ACTR2: variants seen among roughly 807,000 people sequenced by gnomAD.
The protein encoded by ACTR2 is actin-related protein 2.
Under a neutral mutation model 50.2 loss-of-function variants are expected in ACTR2, and 5 were observed. That is an observed-to-expected ratio of 0.10 (90% CI 0.05 to 0.21). The LOEUF (loss-of-function observed/expected upper bound fraction) is 0.21, where lower values mean the gene tolerates loss of function less well. Among genes scored for constraint, ACTR2 ranks in the 10% least tolerant of loss-of-function variants. The pLI, the probability that ACTR2 is intolerant of heterozygous loss-of-function variation, is 1.00. For synonymous variants in ACTR2, 140 were observed against 162.9 expected (o/e 0.86, Z 1.07); for missense variants, 180 against 480.6 (o/e 0.37, Z 5.85).
At chr2:65,235,495 G>A (rs144150060) in intron 1 of ACTR2, among the ~76,000 whole-genome samples, 2,313 of 152,274 alleles carry the variant, frequency 0.015, 19 homozygotes, top group Admixed American at 0.024. Context: ...CGTGGCTCAC[G>A]CCTGTAATCC....
rs565665632 is a variant in ACTR2 at position 65,263,923 on chromosome 2, C to A, written c.882-1120C>A. Among the ~76,000 whole-genome samples the A allele has an allele frequency of 6.4e-4, 98 of 152,156 alleles. 1 individual carries two copies. Among genetic ancestry groups the A allele is most frequent in the Non-Finnish European group, 1.2e-3 (82 of 68,004 alleles). Reference sequence around the variant, plus strand: ...ACAAAAAATTAGCTGGGTGTGGTGACGGGTGCCTGTAATCCCAGCTACTCG... The same window carrying A: ...ACAAAAAATTAGCTGGGTGTGGTGAAGGGTGCCTGTAATCCCAGCTACTCG... On this transcript the variant is annotated intron_variant, in intron 7 of 8. Coordinates refer to ENST00000260641, the MANE Select transcript of ACTR2 (RefSeq NM_005722.4).
chr2:65,232,071 T>C (rs1423814646), intron 1 of ACTR2, among the ~76,000 whole-genome samples: 1 of 152,224 alleles, frequency 6.6e-6, no homozygotes, highest in East Asian at 1.9e-4. Flanking sequence ...TTTGATCCAA[T>C]AATTTATGTG....
intron 8 of ACTR2, among the ~76,000 whole-genome samples, chr2:65,267,360 G>T (rs931698400): frequency 1.3e-5 from 2 of 152,148 alleles, no homozygotes; most frequent in East Asian, 3.8e-4. Flanking sequence ...GTAAGAGCAA[G>T]AAAGTAAAAG....
intron 3 of ACTR2, among the ~76,000 whole-genome samples, chr2:65,249,680 G>T: frequency 6.6e-6 from 1 of 152,084 alleles, no homozygotes; most frequent in South Asian, 2.1e-4. Flanking sequence ...CCAGTCAAGG[G>T]GTGCTCAGTC....
At chr2:65,232,106 C>T (rs1041778278) in intron 1 of ACTR2, among the ~76,000 whole-genome samples, 1 of 152,224 alleles carries the variant, frequency 6.6e-6, no homozygotes, top group Non-Finnish European at 1.5e-5. Context: ...AAACCTCCTT[C>T]TGAAATCAAG....
chr2:65,248,753 A>G (rs914756446), intron 3 of ACTR2, among the ~76,000 whole-genome samples: 14 of 152,082 alleles, frequency 9.2e-5, no homozygotes, highest in Non-Finnish European at 1.9e-4. Flanking sequence ...AGGCCGGGCT[A>G]GGTGGCTCCC....
At chr2:65,239,993 C>A in intron 2 of ACTR2, 31 bp downstream of exon 2, 2 of 1,388,490 alleles carry the variant, frequency 1.4e-6, no homozygotes, top group African/African-American at 1.4e-5. Context: ...AAATGATAAT[C>A]AAGACATGTG....
intron 1 of ACTR2, among the ~76,000 whole-genome samples, chr2:65,236,539 T>C (rs1671744727): frequency 6.6e-6 from 1 of 152,060 alleles, no homozygotes; most frequent in African/African-American, 2.4e-5. Flanking sequence ...AGATAGTAGC[T>C]TTCTTTTGTT....
intron 3 of ACTR2, 37 bp downstream of exon 3, chr2:65,246,776 T>C (rs768010383): frequency 7.3e-7 from 1 of 1,371,192 alleles, no homozygotes; most frequent in East Asian, 2.4e-5. Flanking sequence ...TGTGTATTTC[T>C]GTGATATTAT....
rs1459054829 is a variant in ACTR2, at chr2:65,270,330, AG to A, written c.*1598del. ...ATCATTAGCTTAAATAAGCAGCAGAAGGTTAGTTTTAATTATGTAGCTTCTG... is the reference window on the plus strand; with the variant it reads ...ATCATTAGCTTAAATAAGCAGCAGAAGTTAGTTTTAATTATGTAGCTTCTG... On this transcript the variant is annotated 3_prime_UTR_variant, in exon 9 of 9. Transcript: ENST00000260641. 1 of 152,592 alleles carries A rather than the reference AG, an allele frequency of 6.6e-6. No homozygotes were observed. The highest frequency in any genetic ancestry group is 2.4e-5 in the African/African-American group (1 of 41,428). 9.5% of individuals were successfully genotyped at this position (152,592 alleles called of 1,614,324 possible).
Position 65,228,054 on chromosome 2 carries a change from C to T in ACTR2, c.48+97C>T. 3 of 1,226,504 alleles carry T rather than the reference C, an allele frequency of 2.4e-6. No individual in the cohort carries two copies. The East Asian group carries it at 9.5e-5, about 39-fold the overall frequency. 76.0% of individuals were successfully genotyped at this position (1,226,504 alleles called of 1,614,324 possible). A position where few individuals can be genotyped will look rare whatever the true frequency, so the allele number is the denominator to read the frequency against. ...CGGCCCCCAGGGCTGCACCTCCGGGCCCTCGGGGCGAAGGGGCGCGGGGCG... is the reference window on the plus strand; with the variant it reads ...CGGCCCCCAGGGCTGCACCTCCGGGTCCTCGGGGCGAAGGGGCGCGGGGCG... On this transcript the variant is annotated intron_variant, in intron 1 of 8. Coordinates refer to ENST00000260641, the MANE Select transcript of ACTR2 (RefSeq NM_005722.4).
intron 6 of ACTR2, among the ~76,000 whole-genome samples, chr2:65,257,872 T>C (rs1182153259): frequency 3.3e-5 from 5 of 152,206 alleles, no homozygotes; most frequent in African/African-American, 1.2e-4. Context: ...ATTGCAAAAA[T>C]TTTTTCCCAT....
At position 65,246,837 on chromosome 2, in the gene ACTR2, A is replaced by G. The variant is rs28735109; in HGVS notation, c.375+98A>G. 795 of 891,028 alleles carry G rather than the reference A, an allele frequency of 8.9e-4. 4 individuals are homozygous for G. Among genetic ancestry groups the G allele is most frequent in the African/African-American group, 8.7e-3 (504 of 57,756 alleles). 55.2% of individuals were successfully genotyped at this position (891,028 alleles called of 1,614,324 possible). On this transcript the variant is annotated intron_variant, in intron 3 of 8. Coordinates refer to ENST00000260641, the MANE Select transcript of ACTR2 (RefSeq NM_005722.4). Reference sequence around the variant, plus strand: ...TGCTATGGATAAAGAGAATAAAAATAATTGTTTTCCTTCAGATCTTATTAA... The same window carrying G: ...TGCTATGGATAAAGAGAATAAAAATGATTGTTTTCCTTCAGATCTTATTAA...
rs1345532041 is a variant in ACTR2 at position 65,246,734 on chromosome 2, G to A, written c.370G>A (p.Val124Ile). The change falls in exon 3 of 9, where the codon GTA becomes ATA. Residue 124 changes from valine (V) to isoleucine (I), a missense_variant. Val to Ile is a conservative substitution (Grantham distance 29). Transcript: ENST00000260641. ...MNPTKNREKI[V>I]EVMFETYQFS... ...CCCAACCAAAAACAGAGAGAAGATT[G>A]TAGAGGTGAGTTTTTATGCAGGATA... is the stretch of plus-strand genomic sequence containing the variant. 6.2e-7 allele frequency: 1 copy of A among 1,602,078 alleles called. No homozygotes were observed. The highest frequency in any genetic ancestry group is 8.5e-7 in the Non-Finnish European group (1 of 1,173,826).
chr2:65,257,983 A>C (rs550330097), intron 6 of ACTR2, among the ~76,000 whole-genome samples: 11 of 152,110 alleles, frequency 7.2e-5, no homozygotes, highest in African/African-American at 2.7e-4. Context: ...TTTTGTTGCA[A>C]TTGCTTTTGG....
chr2:65,248,908 G>A (rs1316109440), intron 3 of ACTR2, among the ~76,000 whole-genome samples: 1 of 152,190 alleles, frequency 6.6e-6, no homozygotes, highest in African/African-American at 2.4e-5. Flanking sequence ...AGCTACGCAG[G>A]AGGCTGAGGC....
intron 7 of ACTR2, among the ~76,000 whole-genome samples, chr2:65,264,399 A>G (rs113490234): frequency 6.6e-5 from 10 of 152,226 alleles, no homozygotes; most frequent in Admixed American, 6.5e-5. Flanking sequence ...TCAGCTCCCA[A>G]ACTTTACTGT....
intron 8 of ACTR2, among the ~76,000 whole-genome samples, chr2:65,268,004 T>A (rs1672415040): frequency 6.8e-6 from 1 of 147,788 alleles, no homozygotes; most frequent in African/African-American, 2.4e-5. Context: ...GCCCGGCTAA[T>A]TTTTTTGTAT....
chr2:65,261,183 T>C, intron 6 of ACTR2, 64 bp from the exon 7 acceptor site: 1 of 1,561,992 alleles, frequency 6.4e-7, no homozygotes, highest in Non-Finnish European at 8.8e-7. Flanking sequence ...GTACTAGTGT[T>C]CCGGAGAACA....
Sources: allele counts gnomAD v4.1 joint callset (sites outside exome capture counted in the v4.1 genomes callset), GRCh38; gene constraint gnomAD v4.1.1; transcripts MANE v1.5; gene names NCBI Gene and HGNC (gene_info 2026-07-23, HGNC 2026-07-21).